The following CLEC16A variants were observed in gnomAD, a reference collection of about 807,000 sequenced individuals.
The protein encoded by CLEC16A is C-type lectin domain containing 16A, also known as protein CLEC16A.
A neutral mutation model predicts 109.5 loss-of-function variants in CLEC16A; 51 were observed. That is an observed-to-expected ratio of 0.47 (90% CI 0.37 to 0.59). CLEC16A has a LOEUF of 0.59. Ranked by LOEUF, CLEC16A falls within the 20% of genes least tolerant of loss-of-function variation. The pLI is 0.00. For missense variants in CLEC16A, 1,339 were observed against 1,394.0 expected (o/e 0.96, Z 0.63); for synonymous variants, 673 against 564.2 (o/e 1.19, Z -2.73).
At chr16:11,022,369 C>G (rs1255625158) in intron 12 of CLEC16A, among the ~76,000 whole-genome samples, 1 of 98,896 alleles carries the variant, frequency 1.0e-5, no homozygotes, top group African/African-American at 4.3e-5. Flanking sequence ...TTTGCAAAGA[C>G]AGGATCCTAC....
chr16:11,164,867 G>C lies in CLEC16A; in HGVS notation c.2642-1521G>C, dbSNP rs542197985. On this transcript the variant is annotated intron_variant, in intron 22 of 23. Coordinates refer to ENST00000409790, the MANE Select transcript of CLEC16A (RefSeq NM_015226.3). ...TCAGGGCCTAGAGGGCCTTCTGGAA[G>C]TAGTGTTAGTAGAGAGCTGGACCGT... Among the ~76,000 whole-genome samples the C allele has an allele frequency of 8.1e-4, 124 of 152,360 alleles. 1 individual carries two copies. The highest frequency in any genetic ancestry group is 2.7e-3 in the African/African-American group (114 of 41,584).
intron 22 of CLEC16A, among the ~76,000 whole-genome samples, chr16:11,149,544 C>A (rs2054209491): frequency 6.6e-6 from 1 of 151,958 alleles, no homozygotes; most frequent in Non-Finnish European, 1.5e-5. Flanking sequence ...GTAATCTCAA[C>A]ACTTTGGGAG....
At chr16:11,051,463 C>G (rs767629845) in intron 17 of CLEC16A, 50 bp from the exon 18 acceptor site, 2 of 1,584,838 alleles carry the variant, frequency 1.3e-6, no homozygotes, top group South Asian at 2.2e-5. Flanking sequence ...GCCCCTTCCT[C>G]CTTCCAAGTA....
At chr16:11,131,036 A>G (rs2053172813) in intron 22 of CLEC16A, among the ~76,000 whole-genome samples, 1 of 152,120 alleles carries the variant, frequency 6.6e-6, no homozygotes, top group Non-Finnish European at 1.5e-5. Flanking sequence ...TCAGAAAAAA[A>G]AAATCACAAG....
At chr16:11,042,787 A>T (rs1597172061) in intron 15 of CLEC16A, among the ~76,000 whole-genome samples, 1 of 151,880 alleles carries the variant, frequency 6.6e-6, no homozygotes, top group African/African-American at 2.4e-5. Context: ...TATTTTAGAA[A>T]ATTTAGGAAG....
chr16:11,058,301 G>A (rs2048312028), intron 18 of CLEC16A, among the ~76,000 whole-genome samples: 1 of 152,108 alleles, frequency 6.6e-6, no homozygotes, highest in South Asian at 2.1e-4. Flanking sequence ...TTGGTTCTAG[G>A]GCTCCCCCAA....
intron 19 of CLEC16A, among the ~76,000 whole-genome samples, chr16:11,064,635 G>T (rs1226600809): frequency 6.6e-6 from 1 of 152,136 alleles, no homozygotes; most frequent in Non-Finnish European, 1.5e-5. Context: ...AAAATAGCCG[G>T]TTGTGGTGGC....
intron 7 of CLEC16A, 85 bp downstream of exon 7, chr16:10,973,146 A>C: frequency 6.9e-7 from 1 of 1,451,388 alleles, no homozygotes. Context: ...AATAAACACA[A>C]GAACCGCACT....
chr16:11,026,984 G>A, intron 13 of CLEC16A: 1 of 1,546,954 alleles, frequency 6.5e-7, no homozygotes, highest in Non-Finnish European at 8.9e-7. Context: ...TTTCCCATGT[G>A]GTGGGGTTGC....
chr16:11,088,995 T>TC (rs1453289032), intron 19 of CLEC16A, among the ~76,000 whole-genome samples: 1 of 151,900 alleles, frequency 6.6e-6, no homozygotes, highest in Non-Finnish European at 1.5e-5. Context: ...GTACCCCCTT[T>TC]CCCCCCAGGC....
chr16:10,974,299 A>G (rs1231319323), intron 7 of CLEC16A, among the ~76,000 whole-genome samples: 3 of 152,178 alleles, frequency 2.0e-5, no homozygotes, highest in Non-Finnish European at 4.4e-5. Flanking sequence ...TACATTGTGT[A>G]CTTTAAATAA....
chr16:11,118,445 A>G (rs529393170), intron 19 of CLEC16A, among the ~76,000 whole-genome samples: 18 of 152,320 alleles, frequency 1.2e-4, no homozygotes, highest in African/African-American at 4.3e-4. Flanking sequence ...ATGCCCATCC[A>G]TGTACAACAT....
At chr16:11,059,893 T>C (rs1278632433) in intron 18 of CLEC16A, among the ~76,000 whole-genome samples, 1 of 152,202 alleles carries the variant, frequency 6.6e-6, no homozygotes, top group African/African-American at 2.4e-5. Context: ...GTAGACCTCA[T>C]GTGTCTGACT....
rs199776188 is a variant in CLEC16A at position 11,126,043 on chromosome 16, C to G, written c.2538C>G (p.Thr846=). The part of the protein sequence containing the change: ...EVLGFGLGSS[T]STQHLPFRFY... Reference sequence around the variant, plus strand: ...TGGGGTTTGGACTCGGCTCCTCCACCTCCACTCAGCACCTGCCTTTCCGCT... The same window carrying G: ...TGGGGTTTGGACTCGGCTCCTCCACGTCCACTCAGCACCTGCCTTTCCGCT... Residue 846 remains threonine (T), a synonymous_variant, in exon 22 of 24, where the codon ACC becomes ACG. Transcript: ENST00000409790. The G allele has an allele frequency of 5.0e-6, 8 of 1,613,966 alleles. No individual in the cohort carries two copies. The highest frequency in any genetic ancestry group is 6.8e-6 in the Non-Finnish European group (8 of 1,179,884).
At chr16:11,092,343 A>AAAAAACAAAC (rs1306731667) in intron 19 of CLEC16A, among the ~76,000 whole-genome samples, 3 of 139,756 alleles carry the variant, frequency 2.1e-5, no homozygotes, top group Non-Finnish European at 4.6e-5. Flanking sequence ...GACCTGTCTC[A>AAAAAACAAAC]AAAAACAAAC....
intron 1 of CLEC16A, among the ~76,000 whole-genome samples, chr16:10,950,467 C>G (rs2041669533): frequency 6.6e-6 from 1 of 152,224 alleles, no homozygotes; most frequent in African/African-American, 2.4e-5. Context: ...GGCTAAAGCC[C>G]TAAAGAAAGC....
At chr16:11,092,361 AACACACACACACACACAC>A (rs3030566) in intron 19 of CLEC16A, among the ~76,000 whole-genome samples, 3 of 132,432 alleles carry the variant, frequency 2.3e-5, no homozygotes, top group African/African-American at 8.3e-5. Flanking sequence ...AACAAAAACA[AACACACACACACACACAC>A]ACACACACAC....
At chr16:11,085,638 A>G (rs537845077) in intron 19 of CLEC16A, among the ~76,000 whole-genome samples, 316 of 152,370 alleles carry the variant, frequency 2.1e-3, no homozygotes, top group African/African-American at 7.3e-3. Flanking sequence ...TTGGGTCTCT[A>G]GAGCCAAGAA....
chr16:11,109,292 C>T (rs1251561547), intron 19 of CLEC16A, among the ~76,000 whole-genome samples: 1 of 151,660 alleles, frequency 6.6e-6, no homozygotes, highest in Non-Finnish European at 1.5e-5. Flanking sequence ...AGCCTGGGAC[C>T]ACAGGTGTGC....
Sources: allele counts gnomAD v4.1 joint callset (sites outside exome capture counted in the v4.1 genomes callset), GRCh38; gene constraint gnomAD v4.1.1; transcripts MANE v1.5; gene names NCBI Gene and HGNC (gene_info 2026-07-23, HGNC 2026-07-21).